Variants in LINGO2 observed in about 807,000 individuals in gnomAD.
LINGO2 encodes leucine-rich repeat and immunoglobulin-like domain-containing nogo receptor-interacting protein 2.
In LINGO2, 14 loss-of-function variants were observed where a neutral mutation model predicts 30.6. The ratio of observed to expected loss-of-function variants is 0.46; its 90% CI spans 0.30 to 0.72. The LOEUF is 0.72. Among genes scored for constraint, LINGO2 ranks in the 30% least tolerant of loss-of-function variants. LINGO2 has a pLI of 0.07. For missense variants in LINGO2, 729 were observed against 751.7 expected, an observed-to-expected ratio of 0.97 and a Z score of 0.35; for synonymous variants, 317 against 288.5, an observed-to-expected ratio of 1.10 and a Z score of -1.00.
chr9:28,308,753 C>T (rs1824478876), intron 3 of LINGO2, among the ~76,000 whole-genome samples: 3 of 151,636 alleles, frequency 2.0e-5, no homozygotes, highest in Non-Finnish European at 4.4e-5. Flanking sequence ...CAAACAACCC[C>T]ATCAAAAAGT....
intron 3 of LINGO2, among the ~76,000 whole-genome samples, chr9:28,357,943 A>T (rs1344433184): frequency 1.3e-5 from 2 of 152,140 alleles, no homozygotes; most frequent in African/African-American, 4.8e-5. Context: ...AAATGTGTAC[A>T]CATTCCTGGG....
chr9:28,578,504 A>G (rs892718070), intron 1 of LINGO2, among the ~76,000 whole-genome samples: 1 of 152,156 alleles, frequency 6.6e-6, no homozygotes, highest in African/African-American at 2.4e-5. Context: ...ATACTGTATA[A>G]TTATTAATTA....
At chr9:28,097,873 TA>T (rs33943553) in intron 4 of LINGO2, among the ~76,000 whole-genome samples, 1 of 151,956 alleles carries the variant, frequency 6.6e-6, no homozygotes, top group African/African-American at 2.4e-5. Context: ...CACAACCTCT[TA>T]AAAAAAATTG....
At chr9:28,644,138 C>CA (rs537315473) in intron 1 of LINGO2, among the ~76,000 whole-genome samples, 1 of 151,290 alleles carries the variant, frequency 6.6e-6, no homozygotes, top group South Asian at 2.1e-4. Context: ...CTCAAAAAAC[C>CA]AAAAAATCTA....
the LINGO2 span, among the ~76,000 whole-genome samples, chr9:28,783,911 G>C: frequency 1.3e-5 from 2 of 152,104 alleles, no homozygotes; most frequent in Admixed American, 1.3e-4. Context: ...TCTTCTTGTT[G>C]CATCCTTATG....
chr9:28,314,649 A>ATGT (rs1824766863), intron 3 of LINGO2, among the ~76,000 whole-genome samples: 1 of 152,194 alleles, frequency 6.6e-6, no homozygotes, highest in Non-Finnish European at 1.5e-5. Context: ...ATTTCACATT[A>ATGT]AAAATCTGAA....
intron 3 of LINGO2, among the ~76,000 whole-genome samples, chr9:28,369,858 G>A (rs1393194454): frequency 2.0e-5 from 3 of 152,134 alleles, no homozygotes; most frequent in Non-Finnish European, 4.4e-5. Context: ...AGAGTAAAGT[G>A]AATATTGGTA....
At chr9:28,069,614 G>T (rs1174220925) in intron 4 of LINGO2, among the ~76,000 whole-genome samples, 1 of 152,124 alleles carries the variant, frequency 6.6e-6, no homozygotes, top group African/African-American at 2.4e-5. Flanking sequence ...ACTCCAAAAT[G>T]GAATTATAAC....
At chr9:28,877,125 G>C in the LINGO2 span, among the ~76,000 whole-genome samples, 1 of 143,530 alleles carries the variant, frequency 7.0e-6, no homozygotes, top group Non-Finnish European at 1.5e-5. Flanking sequence ...AAATTTGTTT[G>C]AGTTCATTTT....
At chr9:28,619,493 A>G (rs10968680) in intron 1 of LINGO2, among the ~76,000 whole-genome samples, 14,184 of 152,208 alleles carry the variant, frequency 0.093, 873 homozygotes, top group East Asian at 0.19. Context: ...TGAATAAGAT[A>G]CTGAATGTAA....
At chr9:27,975,125 A>G (rs887220620) in intron 5 of LINGO2, among the ~76,000 whole-genome samples, 2 of 152,222 alleles carry the variant, frequency 1.3e-5, no homozygotes, top group African/African-American at 4.8e-5. Flanking sequence ...GTGTAGAAAT[A>G]AATATTTAGA....
At chr9:28,033,648 C>CA (rs886328058) in intron 4 of LINGO2, among the ~76,000 whole-genome samples, 41 of 148,564 alleles carry the variant, frequency 2.8e-4, no homozygotes, top group South Asian at 1.3e-3. Context: ...TTTATAATGG[C>CA]AAAAAAAAAA....
intron 2 of LINGO2, among the ~76,000 whole-genome samples, chr9:28,405,520 C>T (rs1822468489): frequency 6.6e-6 from 1 of 152,068 alleles, no homozygotes; most frequent in Non-Finnish European, 1.5e-5. Context: ...AGCTTTTCCT[C>T]CATTTAAAAA....
At chr9:28,034,880 G>A (rs1368671298) in intron 4 of LINGO2, among the ~76,000 whole-genome samples, 1 of 152,168 alleles carries the variant, frequency 6.6e-6, no homozygotes, top group African/African-American at 2.4e-5. Context: ...TACCATTTCA[G>A]GTAGATCAGT....
chr9:28,623,775 T>C (rs796606499), intron 1 of LINGO2, among the ~76,000 whole-genome samples: 2 of 152,096 alleles, frequency 1.3e-5, no homozygotes, highest in South Asian at 2.1e-4. Context: ...AATGTATAGA[T>C]TGCTTTGAGA....
the LINGO2 span, among the ~76,000 whole-genome samples, chr9:28,772,554 C>A: frequency 6.6e-6 from 1 of 152,216 alleles, no homozygotes; most frequent in African/African-American, 2.4e-5. Context: ...ATGCTCTAGG[C>A]AGTTATTGAT....
intron 1 of LINGO2, among the ~76,000 whole-genome samples, chr9:28,661,987 C>T (rs1588041226): frequency 1.3e-5 from 2 of 152,234 alleles, no homozygotes; most frequent in South Asian, 2.1e-4. Flanking sequence ...TTTGCTCAAA[C>T]GCCACACACA....
chr9:28,036,340 T>G (rs1449989600), intron 4 of LINGO2, among the ~76,000 whole-genome samples: 1 of 152,146 alleles, frequency 6.6e-6, no homozygotes, highest in Non-Finnish European at 1.5e-5. Context: ...GCACTGCACA[T>G]CATGGGAAAG....
At chr9:27,965,717 A>G (rs1191600760) in intron 5 of LINGO2, among the ~76,000 whole-genome samples, 1 of 152,110 alleles carries the variant, frequency 6.6e-6, no homozygotes, top group Non-Finnish European at 1.5e-5. Flanking sequence ...TTTGGCCTAC[A>G]TAGAAATACT....
Sources: allele counts gnomAD v4.1 joint callset (sites outside exome capture counted in the v4.1 genomes callset), GRCh38; gene constraint gnomAD v4.1.1; transcripts MANE v1.5; gene names NCBI Gene and HGNC (gene_info 2026-07-23, HGNC 2026-07-21).